Variants in KIF5A observed in about 807,000 individuals in gnomAD.
KIF5A encodes the protein kinesin family member 5A, also known as kinesin heavy chain isoform 5A.
In KIF5A, 35 loss-of-function variants were observed where a neutral mutation model predicts 141.3. That is an observed-to-expected ratio of 0.25 (90% CI 0.19 to 0.33). The LOEUF (loss-of-function observed/expected upper bound fraction) is 0.33, where lower values mean the gene tolerates loss of function less well. KIF5A is among the 10% of genes least tolerant of loss of function. KIF5A has a pLI of 1.00. For synonymous variants in KIF5A, 448 were observed against 500.2 expected (o/e 0.90, Z 1.39); for missense variants, 861 against 1,314.3 (o/e 0.66, Z 5.33).
At chr12:57,576,401 C>T (rs777704759) in intron 19 of KIF5A, 23 bp downstream of exon 19, 1 of 1,572,742 alleles carries the variant, frequency 6.4e-7, no homozygotes, top group East Asian at 2.2e-5. Flanking sequence ...AAGGGCGACT[C>T]CAGCCCCTCC....
At chr12:57,553,808 G>T (rs1881650295) in intron 1 of KIF5A, among the ~76,000 whole-genome samples, 1 of 152,108 alleles carries the variant, frequency 6.6e-6, no homozygotes, top group Non-Finnish European at 1.5e-5. Context: ...AAAGAACCCT[G>T]GACTGTGGGA....
chr12:57,573,508 G>A (rs1882319405), intron 15 of KIF5A, among the ~76,000 whole-genome samples: 1 of 151,546 alleles, frequency 6.6e-6, no homozygotes, highest in Non-Finnish European at 1.5e-5. Context: ...TCCAGCCTGG[G>A]TGACAGAGCC....
rs1480536708 is a variant in KIF5A at position 57,572,276 on chromosome 12, T to C, written c.1569+9T>C. 2 of 1,575,424 alleles carry C rather than the reference T, an allele frequency of 1.3e-6. No homozygotes were observed. The highest frequency in any genetic ancestry group is 1.7e-6 in the Non-Finnish European group (2 of 1,160,218). On this transcript the variant is annotated intron_variant, in intron 14 of 28. Transcript: ENST00000455537. This position sits in a 1 kb window ranked among gnomAD's most constrained non-coding sequence, Gnocchi z 4.2. Reference sequence around the variant, plus strand: ...AGCTGTCTCAGAAGGTGGTAAGTGGTGTGCCAATGGTCCAACAGCTCCCTG... The same window carrying C: ...AGCTGTCTCAGAAGGTGGTAAGTGGCGTGCCAATGGTCCAACAGCTCCCTG...
At chr12:57,558,209 A>T (rs1003209446) in intron 1 of KIF5A, among the ~76,000 whole-genome samples, 2 of 152,138 alleles carry the variant, frequency 1.3e-5, no homozygotes, top group African/African-American at 4.8e-5. Flanking sequence ...GTTCGAGACC[A>T]GCCTGACCAA....
chr12:57,582,149 TAGG>T (rs1433405669), intron 26 of KIF5A, among the ~76,000 whole-genome samples, 197 bp downstream of exon 26: 3 of 152,004 alleles, frequency 2.0e-5, no homozygotes, highest in East Asian at 3.8e-4. Context: ...GAGGTTGAGA[TAGG>T]AGGATTGCTT....
intron 1 of KIF5A, among the ~76,000 whole-genome samples, chr12:57,561,117 G>T (rs1403547041): frequency 6.6e-6 from 1 of 152,138 alleles, no homozygotes; most frequent in Non-Finnish European, 1.5e-5. Context: ...TTGGCTCACT[G>T]CAACCTCTGC....
intron 25 of KIF5A, 26 bp from the exon 26 acceptor site, chr12:57,581,830 GTGGGTGTCAGAGGC>G (rs1389110246): frequency 6.5e-7 from 1 of 1,549,368 alleles, no homozygotes; most frequent in African/African-American, 1.4e-5. Flanking sequence ...CTAGTGGAGG[GTGGGTGTCAGAGGC>G]TGCCTCTTTC....
intron 24 of KIF5A, 39 bp downstream of exon 24, chr12:57,581,211 G>C: frequency 6.3e-6 from 10 of 1,594,996 alleles, no homozygotes; most frequent in Non-Finnish European, 8.6e-6. Context: ...AGTATCTCCT[G>C]AAGCAAATTT....
At chr12:57,553,535 A>G (rs527726217) in intron 1 of KIF5A, among the ~76,000 whole-genome samples, 54 of 152,236 alleles carry the variant, frequency 3.5e-4, no homozygotes, top group African/African-American at 1.3e-3. Flanking sequence ...CATTGTGGCC[A>G]GTGTCTCTCC....
In KIF5A at chr12:57,586,167, G is replaced by A. The variant is rs1882754627; in HGVS notation, c.*1986G>A. The A allele has an allele frequency of 1.3e-5, 2 of 152,164 alleles. No individual in the cohort carries two copies. Among genetic ancestry groups the A allele is most frequent in the Non-Finnish European group, 2.9e-5 (2 of 68,046 alleles). The allele number at this position is 152,164 out of a possible 1,614,324, so 9.4% of individuals were successfully genotyped here. A position where few individuals can be genotyped will look rare whatever the true frequency, so the allele number is the denominator to read the frequency against. On this transcript the variant is annotated 3_prime_UTR_variant, in exon 29 of 29. Transcript: ENST00000455537. ...GTCTCCAGACCCACTAGGGTGGAAG[G>A]AAGGTTCCTGTGGGCCTGTGGACTT...
rs1430118253 is a variant in KIF5A, at chr12:57,576,748, T to C, written c.2199-13T>C. 1 of 1,599,164 alleles carries C rather than the reference T, an allele frequency of 6.3e-7. No homozygotes were observed. On this transcript the variant is annotated splice_polypyrimidine_tract_variant and intron_variant, in intron 19 of 28. Transcript: ENST00000455537. ...TTTCTCCCCCATCTCCATTACCTTC[T>C]GATGCTCTGTAGCCTAAATCAGAAG...
chr12:57,581,256 G>C, intron 24 of KIF5A, 84 bp downstream of exon 24: 1 of 1,505,980 alleles, frequency 6.6e-7, no homozygotes, highest in South Asian at 1.2e-5. Flanking sequence ...CTAGATTATT[G>C]CTTCTTACCT....
At chr12:57,570,950 G>A (rs1882234953) in intron 12 of KIF5A, among the ~76,000 whole-genome samples, 1 of 143,370 alleles carries the variant, frequency 7.0e-6, no homozygotes, top group South Asian at 2.3e-4. Flanking sequence ...ACACCACCAC[G>A]CCCAGCTAAT....
intron 1 of KIF5A, among the ~76,000 whole-genome samples, chr12:57,561,426 T>C (rs1881906325): frequency 6.6e-6 from 1 of 152,188 alleles, no homozygotes; most frequent in South Asian, 2.1e-4. Context: ...TTTAATAGAA[T>C]TGTCCTCCAG....
rs772043578 is a variant in KIF5A, at chr12:57,550,222, C to A, written c.-50C>A. The stretch of plus-strand genomic sequence containing the variant: ...TGAGAGCCCTCTCCTCTGGAGCACA[C>A]ACCACCCCTGCAGCCCAAGAAGAGT... On this transcript the variant is annotated 5_prime_UTR_variant, in exon 1 of 29. Transcript: ENST00000455537. The surrounding 1 kb of genome is among the most constrained non-coding windows in gnomAD (Gnocchi z 4.6). The A allele has an allele frequency of 2.5e-6, 4 of 1,612,286 alleles. No homozygotes were observed. The East Asian group carries it at 6.7e-5, about 27-fold the overall frequency.
chr12:57,550,994 C>A lies in KIF5A; in HGVS notation c.129+594C>A, dbSNP rs1418728945. 6.6e-6 allele frequency among the ~76,000 whole-genome samples: 1 copy of A among 152,100 alleles called. No homozygotes were observed. The highest frequency in any genetic ancestry group is 2.4e-5 in the African/African-American group (1 of 41,408). On this transcript the variant is annotated intron_variant, in intron 1 of 28. Coordinates refer to ENST00000455537, the MANE Select transcript of KIF5A (RefSeq NM_004984.4). The surrounding 1 kb of genome is among the most constrained non-coding windows in gnomAD (Gnocchi z 4.6). ...AGAAATCATTGATGCCACACCCAAT[C>A]TTGGGGGGAGCCTCTGGAATCCTAA... is the stretch of plus-strand genomic sequence containing the variant.
Position 57,567,577 on chromosome 12 carries a change from A to G in KIF5A, c.673A>G (p.Ser225Gly). 6.2e-7 allele frequency: 1 copy of G among 1,610,156 alleles called. No individual in the cohort carries two copies. The highest frequency in any genetic ancestry group is 8.5e-7 in the Non-Finnish European group (1 of 1,178,018). ...GAACATGGAAACGGAGCAGAAGCTCAGTGGGAAGCTGTATCTGGTGGACCT... is the reference window on the plus strand; with the variant it reads ...GAACATGGAAACGGAGCAGAAGCTCGGTGGGAAGCTGTATCTGGTGGACCT... ...QENMETEQKL[S>G]GKLYLVDLAG... Residue 225 changes from serine to glycine, a missense_variant, in exon 8 of 29, where the codon AGT becomes GGT. Transcript: ENST00000455537.
At chr12:57,569,715 G>A in intron 11 of KIF5A, 32 bp downstream of exon 11, 1 of 1,610,720 alleles carries the variant, frequency 6.2e-7, no homozygotes. Flanking sequence ...GTGAGGGGCA[G>A]TGGGAAGAGG....
chr12:57,578,986 C>T (rs886491344), intron 23 of KIF5A, among the ~76,000 whole-genome samples: 5 of 152,012 alleles, frequency 3.3e-5, no homozygotes, highest in Admixed American at 1.3e-4. Flanking sequence ...ATTGCTTGAG[C>T]GCAGGAAGTA....
Sources: allele counts gnomAD v4.1 joint callset (sites outside exome capture counted in the v4.1 genomes callset), GRCh38; gene constraint gnomAD v4.1.1; non-coding constraint Gnocchi (gnomAD v3.1); transcripts MANE v1.5; gene names NCBI Gene and HGNC (gene_info 2026-07-23, HGNC 2026-07-21).